Variants in RSRC1 observed in about 807,000 individuals in gnomAD.
RSRC1 encodes the protein arginine and serine rich coiled-coil 1.
A neutral mutation model predicts 49.1 loss-of-function variants in RSRC1; 39 were observed. The ratio of observed to expected loss-of-function variants is 0.79; its 90% confidence interval spans 0.61 to 1.04. The LOEUF (loss-of-function observed/expected upper bound fraction) is 1.04. Ranked by LOEUF, RSRC1 falls within the 50% of genes least tolerant of loss-of-function variation. RSRC1 has a pLI of 0.00. For synonymous variants in RSRC1, 143 were observed against 130.8 expected (o/e 1.09, Z -0.63); for missense variants, 388 against 402.4 (o/e 0.96, Z 0.31).
intron 4 of RSRC1, among the ~76,000 whole-genome samples, chr3:158,259,926 A>G (rs1724794308): frequency 1.3e-5 from 2 of 151,724 alleles, no homozygotes; most frequent in Non-Finnish European, 2.9e-5. Context: ...GGGTTCTTTC[A>G]ATAGCTTGTG....
chr3:158,194,400 T>G (rs1720424878), intron 3 of RSRC1, among the ~76,000 whole-genome samples: 1 of 151,912 alleles, frequency 6.6e-6, no homozygotes, highest in Non-Finnish European at 1.5e-5. Flanking sequence ...GAATAATTAT[T>G]TGCTTTTATT....
At chr3:158,371,304 A>G (rs571341900) in intron 6 of RSRC1, among the ~76,000 whole-genome samples, 2 of 151,938 alleles carry the variant, frequency 1.3e-5, no homozygotes, top group South Asian at 4.1e-4. Context: ...AATTTTCGAC[A>G]AATGCAAATG....
At chr3:158,332,767 G>A (rs1729624233) in intron 5 of RSRC1, among the ~76,000 whole-genome samples, 2 of 150,164 alleles carry the variant, frequency 1.3e-5, no homozygotes, top group South Asian at 4.3e-4. Flanking sequence ...ATTTTTCTAT[G>A]ATAGCATATT....
intron 3 of RSRC1, among the ~76,000 whole-genome samples, chr3:158,181,637 T>C (rs1415049617): frequency 2.0e-5 from 3 of 152,244 alleles, no homozygotes; most frequent in African/African-American, 7.2e-5. Context: ...AAAAATACCT[T>C]ATAGTGTTAT....
Position 158,232,602 on chromosome 3 carries a change from T to G in RSRC1, c.494+29357T>G, listed in dbSNP as rs978620361. Among the ~76,000 whole-genome samples, 8 of 152,268 alleles carry G rather than the reference T, an allele frequency of 5.3e-5. No individual in the cohort carries two copies. The East Asian group carries it at 1.4e-3, about 26-fold the overall frequency. ...ACAGTGCTCTAGAGATACGTAGAAG[T>G]GAACTATGGCTTGTATTATAACACC... is the stretch of plus-strand genomic sequence containing the variant. On this transcript the variant is annotated intron_variant, in intron 4 of 9. Transcript: ENST00000611884.
At chr3:158,133,088 G>T (rs755195300) in intron 3 of RSRC1, among the ~76,000 whole-genome samples, 6 of 152,182 alleles carry the variant, frequency 3.9e-5, no homozygotes, top group African/African-American at 1.4e-4. Context: ...TTTTTATTGT[G>T]AATGTATTGA....
chr3:158,289,130 T>A (rs1015773847), intron 4 of RSRC1, among the ~76,000 whole-genome samples: 1 of 152,200 alleles, frequency 6.6e-6, no homozygotes, highest in Non-Finnish European at 1.5e-5. Flanking sequence ...ATTTCTCTTA[T>A]GTCTAAAAGA....
chr3:158,340,729 G>T (rs910466504), intron 5 of RSRC1, among the ~76,000 whole-genome samples: 5 of 152,156 alleles, frequency 3.3e-5, no homozygotes, highest in African/African-American at 9.7e-5. Context: ...ATAGAATGGG[G>T]TGTTGCTGAA....
intron 3 of RSRC1, among the ~76,000 whole-genome samples, chr3:158,141,707 T>C (rs1217976396): frequency 6.6e-6 from 1 of 152,204 alleles, no homozygotes; most frequent in Non-Finnish European, 1.5e-5. Context: ...GTGTCTTCTT[T>C]GTTCCCCGCA....
At chr3:158,288,520 G>A (rs1212056421) in intron 4 of RSRC1, among the ~76,000 whole-genome samples, 1 of 152,156 alleles carries the variant, frequency 6.6e-6, no homozygotes, top group Non-Finnish European at 1.5e-5. Flanking sequence ...CGTGTGGGAA[G>A]TACCAGATAG....
intron 5 of RSRC1, among the ~76,000 whole-genome samples, chr3:158,349,885 A>C (rs1730770820): frequency 7.3e-5 from 11 of 151,074 alleles, no homozygotes; most frequent in Admixed American, 7.3e-4. Context: ...TTTAGTAAAG[A>C]CAGAGTTTCA....
At chr3:158,513,904 G>A (rs754475239) in intron 7 of RSRC1, among the ~76,000 whole-genome samples, 69 of 152,238 alleles carry the variant, frequency 4.5e-4, no homozygotes, top group African/African-American at 1.4e-3. Flanking sequence ...GTTTATTTGC[G>A]TAGAGGTGTT....
At chr3:158,217,763 T>G (rs895111292) in intron 4 of RSRC1, among the ~76,000 whole-genome samples, 17 of 116,016 alleles carry the variant, frequency 1.5e-4, no homozygotes, top group African/African-American at 4.0e-4. Flanking sequence ...TGTGTGTGTG[T>G]GTGGGGGGGG....
intron 7 of RSRC1, among the ~76,000 whole-genome samples, chr3:158,496,143 T>C (rs1739310746): frequency 6.6e-6 from 1 of 152,214 alleles, no homozygotes; most frequent in Non-Finnish European, 1.5e-5. Flanking sequence ...TTATAAAATA[T>C]ATCTAGCGGT....
rs989722723 is a variant in RSRC1, at chr3:158,290,567, G to A, written c.495-7472G>A. Among the ~76,000 whole-genome samples the A allele has an allele frequency of 7.9e-5, 12 of 152,150 alleles. No homozygotes were observed. The South Asian group carries it at 1.7e-3, about 21-fold the overall frequency. ...TGGGATTACAGGCGTCAGCCACCACGCCTGGCAGAACTCAGCTTTTTCTTA... is the reference window on the plus strand; with the variant it reads ...TGGGATTACAGGCGTCAGCCACCACACCTGGCAGAACTCAGCTTTTTCTTA... On this transcript the variant is annotated intron_variant, in intron 4 of 9. Coordinates refer to ENST00000611884, the MANE Select transcript of RSRC1 (RefSeq NM_001271838.2).
chr3:158,239,999 C>T (rs763728098), intron 4 of RSRC1, among the ~76,000 whole-genome samples: 22 of 152,246 alleles, frequency 1.4e-4, no homozygotes, highest in African/African-American at 3.9e-4. Flanking sequence ...GGAATTACAT[C>T]GTATCTGTAG....
intron 3 of RSRC1, among the ~76,000 whole-genome samples, chr3:158,144,455 G>A (rs1716948662): frequency 6.6e-6 from 1 of 152,142 alleles, no homozygotes; most frequent in African/African-American, 2.4e-5. Context: ...CCCTACAAAG[G>A]ACATGAACTC....
intron 3 of RSRC1, among the ~76,000 whole-genome samples, chr3:158,196,729 G>T (rs141819812): frequency 6.6e-6 from 1 of 152,062 alleles, no homozygotes; most frequent in East Asian, 1.9e-4. Context: ...GAATTTTGTC[G>T]AAGGCCTTTT....
chr3:158,134,447 CAGTT>C (rs903514508), intron 3 of RSRC1, among the ~76,000 whole-genome samples: 77 of 152,134 alleles, frequency 5.1e-4, no homozygotes, highest in Middle Eastern at 6.8e-3. Context: ...ATTTTACTAT[CAGTT>C]GGTTTTGACT....
Sources: allele counts gnomAD v4.1 joint callset (sites outside exome capture counted in the v4.1 genomes callset), GRCh38; gene constraint gnomAD v4.1.1; transcripts MANE v1.5; gene names NCBI Gene and HGNC (gene_info 2026-07-23, HGNC 2026-07-21).